The following SDCCAG8 variants were observed in gnomAD, a reference collection of about 807,000 sequenced individuals.
SDCCAG8 encodes the protein SHH signaling and ciliogenesis regulator SDCCAG8.
SDCCAG8 carries 74 observed loss-of-function variants against 101.8 expected under a neutral mutation model. The observed-to-expected ratio is 0.73, with a 90% CI of 0.60 to 0.88. SDCCAG8 has a LOEUF of 0.88. Ranked by LOEUF, SDCCAG8 falls within the 40% of genes least tolerant of loss-of-function variation. The pLI, the probability that SDCCAG8 is intolerant of heterozygous loss-of-function variation, is 0.00. For missense variants in SDCCAG8, 787 were observed against 822.6 expected (o/e 0.96, Z 0.53); for synonymous variants, 281 against 292.9 (o/e 0.96, Z 0.41).
At chr1:243,376,969 G>A (rs555775025) in intron 12 of SDCCAG8, among the ~76,000 whole-genome samples, 1 of 152,208 alleles carries the variant, frequency 6.6e-6, no homozygotes, top group Non-Finnish European at 1.5e-5. Context: ...TATCACTCCG[G>A]AGCTTTTGTG....
chr1:243,384,488 G>A (rs2078150201), intron 13 of SDCCAG8, among the ~76,000 whole-genome samples: 1 of 151,970 alleles, frequency 6.6e-6, no homozygotes, highest in African/African-American at 2.4e-5. Context: ...AAATATATAT[G>A]TTTAAGTATA....
chr1:243,441,539 G>A (rs2082534236), intron 16 of SDCCAG8, among the ~76,000 whole-genome samples: 1 of 152,074 alleles, frequency 6.6e-6, no homozygotes, highest in African/African-American at 2.4e-5. Context: ...AATGGTAAAT[G>A]GTGTGCCTAG....
At chr1:243,389,169 AT>A (rs1371715075) in intron 13 of SDCCAG8, among the ~76,000 whole-genome samples, 80 of 148,150 alleles carry the variant, frequency 5.4e-4, no homozygotes, top group African/African-American at 1.8e-3. Flanking sequence ...CAAAAAAAAA[AT>A]AATAAATAAA....
intron 16 of SDCCAG8, among the ~76,000 whole-genome samples, chr1:243,461,782 G>A (rs1178540257): frequency 1.3e-5 from 2 of 152,070 alleles, no homozygotes; most frequent in Admixed American, 6.5e-5. Context: ...GAGCTTTAGC[G>A]TCAAGGGAGG....
intron 6 of SDCCAG8, among the ~76,000 whole-genome samples, chr1:243,296,755 G>C (rs1031734910): frequency 6.6e-6 from 1 of 150,548 alleles, no homozygotes; most frequent in African/African-American, 2.4e-5. Context: ...CCGTGGTCTC[G>C]ATCTCCTGAC....
intron 6 of SDCCAG8, 48 bp downstream of exon 6, chr1:243,293,267 T>A: frequency 6.3e-7 from 1 of 1,579,988 alleles, no homozygotes; most frequent in Non-Finnish European, 8.6e-7. Context: ...TTTCTTTTTC[T>A]CTTTTGTACT....
chr1:243,433,368 A>AG (rs2081930148), intron 16 of SDCCAG8, among the ~76,000 whole-genome samples: 1 of 151,828 alleles, frequency 6.6e-6, no homozygotes, highest in Non-Finnish European at 1.5e-5. Context: ...AAAAAAAAAA[A>AG]AAAAAAAGGA....
chr1:243,495,623 G>A (rs1040480940), intron 17 of SDCCAG8, among the ~76,000 whole-genome samples: 1 of 152,232 alleles, frequency 6.6e-6, no homozygotes, highest in Non-Finnish European at 1.5e-5. Flanking sequence ...CGCTGTGCTG[G>A]GGACAGCAGG....
chr1:243,344,161 G>T, intron 11 of SDCCAG8, 54 bp from the exon 12 acceptor site: 4 of 1,399,432 alleles, frequency 2.9e-6, no homozygotes, highest in Admixed American at 1.7e-5. Flanking sequence ...CTAATTGCAG[G>T]CATTGCCTGG....
At chr1:243,392,928 A>G (rs1160706699) in intron 13 of SDCCAG8, among the ~76,000 whole-genome samples, 1 of 152,222 alleles carries the variant, frequency 6.6e-6, no homozygotes, top group Non-Finnish European at 1.5e-5. Context: ...TATCTTCCAA[A>G]TTAAAGAAAA....
chr1:243,278,406 AGATGGG>A (rs1400892716), intron 4 of SDCCAG8, among the ~76,000 whole-genome samples: 1 of 152,086 alleles, frequency 6.6e-6, no homozygotes, highest in Non-Finnish European at 1.5e-5. Context: ...TTTTTAATAG[AGATGGG>A]GTTTCACTAT....
chr1:243,350,743 G>T lies in SDCCAG8; in HGVS notation c.1473+6412G>T, dbSNP rs146507792. ...TACAAATCACAATAGCCTGAAACAA[G>T]AATTTTCTGACAGTAAGGAGATTGA... is the stretch of plus-strand genomic sequence containing the variant. On this transcript the variant is annotated intron_variant, in intron 12 of 17. Coordinates refer to ENST00000366541, the MANE Select transcript of SDCCAG8 (RefSeq NM_006642.5). Among the ~76,000 whole-genome samples, 4 of 152,238 alleles carry T rather than the reference G, an allele frequency of 2.6e-5. No homozygotes were observed. The East Asian group carries it at 7.7e-4, about 29-fold the overall frequency.
intron 5 of SDCCAG8, among the ~76,000 whole-genome samples, chr1:243,289,378 G>A (rs2069983535): frequency 6.6e-6 from 1 of 152,122 alleles, no homozygotes; most frequent in Admixed American, 6.5e-5. Context: ...GCCTTCCCCA[G>A]CCCACTGACT....
At chr1:243,347,035 C>T (rs937086138) in intron 12 of SDCCAG8, among the ~76,000 whole-genome samples, 3 of 152,168 alleles carry the variant, frequency 2.0e-5, no homozygotes, top group African/African-American at 7.2e-5. Flanking sequence ...CAATCCTATT[C>T]CATCACTCAT....
chr1:243,272,175 C>G (rs550129687), intron 3 of SDCCAG8, among the ~76,000 whole-genome samples: 2 of 152,114 alleles, frequency 1.3e-5, no homozygotes, highest in African/African-American at 4.8e-5. Flanking sequence ...TCTTTAGAAA[C>G]CTATGAAGTG....
chr1:243,290,073 G>A (rs1045723437), intron 5 of SDCCAG8, among the ~76,000 whole-genome samples: 9 of 151,814 alleles, frequency 5.9e-5, no homozygotes, highest in South Asian at 4.2e-4. Flanking sequence ...AAAATAATAC[G>A]AAAACATGTT....
chr1:243,499,812 G>A lies in SDCCAG8; in HGVS notation c.*27G>A. On this transcript the variant is annotated 3_prime_UTR_variant, in exon 18 of 18. Transcript: ENST00000366541. ...CTGGATGGAACAGAGTGAAATAAATGATTTACAAAGAGATATTTACATTCA... is the reference window on the plus strand; with the variant it reads ...CTGGATGGAACAGAGTGAAATAAATAATTTACAAAGAGATATTTACATTCA... 3 of 1,605,294 alleles carry A rather than the reference G, an allele frequency of 1.9e-6. No homozygotes were observed. The highest frequency in any genetic ancestry group is 1.7e-5 in the Admixed American group (1 of 60,020).
intron 15 of SDCCAG8, among the ~76,000 whole-genome samples, chr1:243,420,968 A>T (rs1316583726): frequency 2.0e-5 from 3 of 152,062 alleles, no homozygotes; most frequent in Non-Finnish European, 4.4e-5. Flanking sequence ...GTGCCTCTGC[A>T]TACCCCATGC....
rs563881003 is a variant in SDCCAG8, at chr1:243,490,629, C to T, written c.2112+1489C>T. Among the ~76,000 whole-genome samples the T allele has an allele frequency of 1.8e-4, 27 of 152,390 alleles. No homozygotes were observed. In the South Asian group the frequency reaches 3.9e-3, roughly 22 times the overall value. Reference sequence around the variant, plus strand: ...TGGGCATGGTGCACGCCTGGCTTCACGGGCTACTGGGAGTGCTGAGTGCAG... The same window carrying T: ...TGGGCATGGTGCACGCCTGGCTTCATGGGCTACTGGGAGTGCTGAGTGCAG... On this transcript the variant is annotated intron_variant, in intron 17 of 17. Coordinates refer to ENST00000366541, the MANE Select transcript of SDCCAG8 (RefSeq NM_006642.5).
Sources: allele counts gnomAD v4.1 joint callset (sites outside exome capture counted in the v4.1 genomes callset), GRCh38; gene constraint gnomAD v4.1.1; transcripts MANE v1.5; gene names NCBI Gene and HGNC (gene_info 2026-07-23, HGNC 2026-07-21).